The following ZNF768 variants were observed in gnomAD, a reference collection of about 807,000 sequenced individuals.
The protein encoded by ZNF768 is zinc finger protein 768.
ZNF768 carries 12 observed loss-of-function variants against 39.7 expected under a neutral mutation model. The observed-to-expected ratio is 0.30, with a 90% CI of 0.19 to 0.49. The LOEUF is 0.49. Ranked by LOEUF, ZNF768 falls within the 20% of genes least tolerant of loss-of-function variation. ZNF768 has a pLI of 0.99. For missense variants in ZNF768, 613 were observed against 723.2 expected (o/e 0.85, Z 1.75); for synonymous variants, 360 against 288.4 (o/e 1.25, Z -2.52).
upstream of ZNF768, chr16:30,527,131 GCGGTGTCTC>G: frequency 1.0e-6 from 1 of 985,346 alleles, no homozygotes; most frequent in Non-Finnish European, 1.2e-6. Context: ...GCCAGCGGGG[GCGGTGTCTC>G]GCTCCCTCCC....
At chr16:30,526,707 C>T (rs1224963169), upstream of ZNF768, 2 of 902,212 alleles carry the variant, frequency 2.2e-6, no homozygotes, top group East Asian at 1.2e-4. Flanking sequence ...ACTACCCCGG[C>T]GGCCCCCGGC....
upstream of ZNF768, chr16:30,527,819 G>A (rs2051342064): frequency 6.6e-6 from 1 of 152,242 alleles, no homozygotes; most frequent in South Asian, 2.1e-4. Context: ...CTCACAGGGA[G>A]GCAGGATTCC....
Position 30,525,424 on chromosome 16 carries a change from G to A in ZNF768, c.716C>T (p.Thr239Ile), listed in dbSNP as rs1199148261. 6.2e-7 allele frequency: 1 copy of A among 1,614,178 alleles called. No homozygotes were observed. Among genetic ancestry groups the A allele is most frequent in the Non-Finnish European group, 8.5e-7 (1 of 1,180,044 alleles). ...FEMLQNPLGLTGALRGPGRRG... is the reference protein window; with the variant it reads ...FEMLQNPLGLIGALRGPGRRG... ...CCGACCTGGACCTCGAAGGGCTCCT[G>A]TGAGACCCAGGGGATTCTGAAGCAT... The change falls in exon 2 of 2, where the codon ACA becomes ATA. Residue 239 changes from threonine (T) to isoleucine (I), a missense_variant. Around this residue, in one of 4 missense-constraint regions of ZNF768, gnomAD observed 347 missense variants for 326.1 expected, o/e 1.06. Transcript: ENST00000380412.
chr16:30,526,288 G>A, intron 1 of ZNF768, 38 bp downstream of exon 1: 2 of 1,606,920 alleles, frequency 1.2e-6, no homozygotes, highest in African/African-American at 1.3e-5. Flanking sequence ...CTTCTCCTGC[G>A]CGCAAGTCCA....
upstream of ZNF768, chr16:30,530,391 A>C (rs977333108): frequency 6.6e-6 from 1 of 152,232 alleles, no homozygotes; most frequent in Admixed American, 6.5e-5. This position sits in a 1 kb window ranked among gnomAD's most constrained non-coding sequence, Gnocchi z 4.4. Context: ...GGCATCTTTA[A>C]TTGGCAAACT....
chr16:30,524,257 A>C lies in ZNF768; in HGVS notation c.*260T>G. On this transcript the variant is annotated 3_prime_UTR_variant, in exon 2 of 2. Transcript: ENST00000380412. ...GCAGTTGCCAAGCCAGGCACCCACC[A>C]AGGAGCCGCGGCTGAGGCCAGCCCT... is the stretch of plus-strand genomic sequence containing the variant. 4 of 278,248 alleles carry C rather than the reference A, an allele frequency of 1.4e-5. No individual in the cohort carries two copies. The highest frequency in any genetic ancestry group is 5.5e-5 in the South Asian group (1 of 18,102). 17.2% of individuals were successfully genotyped at this position (278,248 alleles called of 1,614,324 possible). A position where few individuals can be genotyped will look rare whatever the true frequency, so the allele number is the denominator to read the frequency against.
rs1442065477 is a variant in ZNF768, at chr16:30,526,544, C to G, written c.-131G>C. 2.6e-5 allele frequency: 28 copies of G among 1,086,452 alleles called. No homozygotes were observed. The highest frequency in any genetic ancestry group is 2.6e-5 in the Non-Finnish European group (23 of 895,402). 67.3% of individuals were successfully genotyped at this position (1,086,452 alleles called of 1,614,324 possible). A position where few individuals can be genotyped will look rare whatever the true frequency, so the allele number is the denominator to read the frequency against. On this transcript the variant is annotated 5_prime_UTR_variant, in exon 1 of 2. Transcript: ENST00000380412. ...GCCCAGGGGACTCGGCGGCCCAGCCCGGGCCCCCGAGGCCGGACGTCTTGA... is the reference window on the plus strand; with the variant it reads ...GCCCAGGGGACTCGGCGGCCCAGCCGGGGCCCCCGAGGCCGGACGTCTTGA...
In ZNF768 at chr16:30,525,429, A is replaced by C; in HGVS notation, c.711T>G (p.Gly237=). 6.2e-7 allele frequency: 1 copy of C among 1,614,122 alleles called. No individual in the cohort carries two copies. Among genetic ancestry groups the C allele is most frequent in the Non-Finnish European group, 8.5e-7 (1 of 1,180,036 alleles). Residue 237 remains glycine (G), a synonymous_variant, in exon 2 of 2, where the codon GGT becomes GGG. Coordinates refer to ENST00000380412, the MANE Select transcript of ZNF768 (RefSeq NM_024671.4). ...PQFEMLQNPL[G]LTGALRGPGR... is the part of the protein sequence containing the mutation. ...CTGGACCTCGAAGGGCTCCTGTGAG[A>C]CCCAGGGGATTCTGAAGCATCTCAA... is the stretch of plus-strand genomic sequence containing the variant.
At chr16:30,529,821 GT>G (rs1272934657), upstream of ZNF768, among the ~76,000 whole-genome samples, 811 of 132,720 alleles carry the variant, frequency 6.1e-3, 5 homozygotes, top group African/African-American at 0.016. Flanking sequence ...GGAGTAGCTA[GT>G]TTTTTTTTTT....
At chr16:30,529,081 G>T (rs1020501284), upstream of ZNF768, among the ~76,000 whole-genome samples, 1 of 152,206 alleles carries the variant, frequency 6.6e-6, no homozygotes, top group African/African-American at 2.4e-5. Flanking sequence ...AGTAAGAGTG[G>T]CTCACTTCCA....
At chr16:30,528,669 T>TC (rs1018604762), upstream of ZNF768, among the ~76,000 whole-genome samples, 3 of 152,090 alleles carry the variant, frequency 2.0e-5, no homozygotes, top group African/African-American at 7.2e-5. Flanking sequence ...CTCTCTCCCA[T>TC]CCCAATGTAT....
At chr16:30,529,885 G>A (rs1372180901), upstream of ZNF768, among the ~76,000 whole-genome samples, 3 of 148,362 alleles carry the variant, frequency 2.0e-5, no homozygotes, top group Non-Finnish European at 4.4e-5. Context: ...GTGCAGTGGT[G>A]CTATCTCTGC....
upstream of ZNF768, among the ~76,000 whole-genome samples, chr16:30,529,781 C>T (rs767244803): frequency 2.1e-4 from 32 of 150,392 alleles, no homozygotes; most frequent in Non-Finnish European, 4.3e-4. Context: ...CCTGGAGATT[C>T]TGATTCAATA....
upstream of ZNF768, among the ~76,000 whole-genome samples, chr16:30,528,603 C>T (rs1597120199): frequency 1.3e-5 from 2 of 152,264 alleles, no homozygotes; most frequent in Admixed American, 6.5e-5. Flanking sequence ...GCTTATGCCA[C>T]GAATGAAGCG....
At chr16:30,526,289 CG>C in intron 1 of ZNF768, 36 bp downstream of exon 1, 1 of 1,608,074 alleles carries the variant, frequency 6.2e-7, no homozygotes, top group Non-Finnish European at 8.5e-7. Context: ...TTCTCCTGCG[CG>C]CAAGTCCACT....
Position 30,525,234 on chromosome 16 carries a change from A to G in ZNF768, c.906T>C (p.Ser302=). 1 of 1,613,980 alleles carries G rather than the reference A, an allele frequency of 6.2e-7. No individual in the cohort carries two copies. The highest frequency in any genetic ancestry group is 8.5e-7 in the Non-Finnish European group (1 of 1,179,940). ...GGGTGCGCTGGTGTTTGATGAGGTC[A>G]GAGCTCTGGGAGAAGGCCTTGCTGC... The part of the protein sequence containing the change: ...EVCSKAFSQS[S]DLIKHQRTHT... Residue 302 remains serine, a synonymous_variant, in exon 2 of 2, where the codon TCT becomes TCC. Coordinates refer to ENST00000380412, the MANE Select transcript of ZNF768 (RefSeq NM_024671.4).
upstream of ZNF768, chr16:30,527,382 G>A: frequency 7.6e-6 from 7 of 923,140 alleles, no homozygotes; most frequent in Non-Finnish European, 7.8e-6. Context: ...GCCCCGCCCC[G>A]GCTCCCAGAG....
rs1311481595 is a variant in ZNF768 at position 30,525,063 on chromosome 16, G to A, written c.1077C>T (p.Tyr359=). Residue 359 remains tyrosine, a synonymous_variant, in exon 2 of 2, where the codon TAC becomes TAT. Transcript: ENST00000380412. ...TGTGGGTGCGCTGGTGTCGCAGGAG[G>A]TAGGAGCTGTCGCCGAAGGCCTTGC... ...HCGKAFGDSS[Y]LLRHQRTHSH... is the part of the protein sequence containing the mutation. 28 of 1,614,048 alleles carry A rather than the reference G, an allele frequency of 1.7e-5. No homozygotes were observed. The highest frequency in any genetic ancestry group is 2.3e-5 in the Non-Finnish European group (27 of 1,180,020).
chr16:30,526,437 G>A lies in ZNF768; in HGVS notation c.-24C>T. 3.3e-6 allele frequency: 5 copies of A among 1,532,324 alleles called. No homozygotes were observed. The highest frequency in any genetic ancestry group is 1.2e-5 in the South Asian group (1 of 81,588). 94.9% of individuals were successfully genotyped at this position (1,532,324 alleles called of 1,614,324 possible). A position where few individuals can be genotyped will look rare whatever the true frequency, so the allele number is the denominator to read the frequency against. On this transcript the variant is annotated 5_prime_UTR_variant, in exon 1 of 2. Coordinates refer to ENST00000380412, the MANE Select transcript of ZNF768 (RefSeq NM_024671.4). ...ATCCCCGCGGGCTCCCAGTGCAGCG[G>A]CGGCGGCGATGGCGGCCGATCCCGC...
Sources: gnomAD v4.1 joint callset for allele counts (sites outside exome capture counted in the v4.1 genomes callset) on GRCh38, gnomAD v4.1.1 for gene constraint, gnomAD v4.1.1 regional missense constraint, Gnocchi (gnomAD v3.1) non-coding constraint, MANE v1.5 for transcripts, NCBI Gene and HGNC (gene_info 2026-07-23, HGNC 2026-07-21) for gene names.